Variants in SLC39A12 observed in about 807,000 individuals in gnomAD.
SLC39A12 encodes zinc transporter ZIP12.
SLC39A12 carries 63 observed loss-of-function variants against 71.1 expected under a neutral mutation model. That is an observed-to-expected ratio of 0.89 (90% CI 0.72 to 1.09). SLC39A12 has a LOEUF of 1.09. SLC39A12 is among the 50% of genes least tolerant of loss of function. The pLI is 0.00. For synonymous variants in SLC39A12, 351 were observed against 301.3 expected (o/e 1.16, Z -1.71); for missense variants, 892 against 812.6 (o/e 1.10, Z -1.19).
At chr10:17,981,279 G>A (rs11011850) in intron 5 of SLC39A12, 33 bp from the exon 6 acceptor site, 87,513 of 1,558,532 alleles carry the variant, frequency 0.056, 2,936 homozygotes, top group South Asian at 0.1. Context: ...AATATGCTGA[G>A]ATTAGTAACA....
At chr10:17,970,773 C>A (rs1462300884) in intron 4 of SLC39A12, among the ~76,000 whole-genome samples, 1 of 150,520 alleles carries the variant, frequency 6.6e-6, no homozygotes, top group Non-Finnish European at 1.5e-5. Flanking sequence ...TTCTTCCATT[C>A]CAATTTGGAT....
chr10:17,972,626 A>G (rs916823707), intron 4 of SLC39A12, among the ~76,000 whole-genome samples: 11 of 152,036 alleles, frequency 7.2e-5, no homozygotes, highest in African/African-American at 2.7e-4. Context: ...CTTGAAATCT[A>G]TTGTGTCTGA....
In SLC39A12 at chr10:17,953,472, A is replaced by G; in HGVS notation, c.196A>G (p.Lys66Glu). 6.2e-7 allele frequency: 1 copy of G among 1,614,230 alleles called. No individual in the cohort carries two copies. Among genetic ancestry groups the G allele is most frequent in the Non-Finnish European group, 8.5e-7 (1 of 1,180,042 alleles). ...PPHNHSRSLI[K>E]TLLEKTGCPR... is the part of the protein sequence containing the mutation. ...CCACAACCACTCAAGAAGCCTCATC[A>G]AAACATTGTTGGAGAAAACTGGGTG... The change falls in exon 2 of 13, where the codon AAA becomes GAA. Residue 66 changes from lysine (K) to glutamate (E), a missense_variant. Transcript: ENST00000377369.
chr10:18,037,515 G>T (rs1449292388), intron 12 of SLC39A12, among the ~76,000 whole-genome samples: 1 of 152,124 alleles, frequency 6.6e-6, no homozygotes, highest in Non-Finnish European at 1.5e-5. Context: ...GACTGTGGGT[G>T]AGCTGTTATC....
At chr10:17,993,856 G>A (rs1453187760) in intron 9 of SLC39A12, among the ~76,000 whole-genome samples, 1 of 152,176 alleles carries the variant, frequency 6.6e-6, no homozygotes, top group East Asian at 1.9e-4. Flanking sequence ...AATGCTTTAA[G>A]TAAGAAGTAT....
At chr10:17,997,345 T>C (rs992289458) in intron 10 of SLC39A12, among the ~76,000 whole-genome samples, 3 of 152,206 alleles carry the variant, frequency 2.0e-5, no homozygotes, top group African/African-American at 7.2e-5. Context: ...CATTAACTCA[T>C]GTAATTTATT....
Position 17,987,028 on chromosome 10 carries a change from G to A in SLC39A12, c.1097-451G>A, listed in dbSNP as rs2148597. 5.4e-3 allele frequency among the ~76,000 whole-genome samples: 820 copies of A among 152,068 alleles called. 4 individuals carry two copies. Among genetic ancestry groups the A allele is most frequent in the African/African-American group, 0.018 (765 of 41,484 alleles). On this transcript the variant is annotated intron_variant, in intron 6 of 12. Transcript: ENST00000377369. Reference sequence around the variant, plus strand: ...TCAAAAACAACAAAAACAACAAAACGCTTATTTAAAAATTCCAAGTTGGGG... The same window carrying A: ...TCAAAAACAACAAAAACAACAAAACACTTATTTAAAAATTCCAAGTTGGGG...
intron 12 of SLC39A12, among the ~76,000 whole-genome samples, chr10:18,007,469 GA>G (rs1836061071): frequency 6.6e-6 from 1 of 152,150 alleles, no homozygotes; most frequent in African/African-American, 2.4e-5. Flanking sequence ...TCCTAATCCA[GA>G]CCCCAAGAGA....
chr10:17,968,869 C>T (rs892387176), intron 4 of SLC39A12, among the ~76,000 whole-genome samples: 13 of 152,172 alleles, frequency 8.5e-5, no homozygotes, highest in South Asian at 6.2e-4. Flanking sequence ...GTTATCATGT[C>T]GTGCTATCAA....
At chr10:17,991,030 A>T (rs1341938499) in intron 7 of SLC39A12, 121 bp from the exon 8 acceptor site, 1 of 1,018,970 alleles carries the variant, frequency 9.8e-7, no homozygotes. Context: ...AATAGTTGTC[A>T]CGGCATTTCC....
In SLC39A12 at chr10:18,034,236, A is replaced by G. The variant is rs532469544; in HGVS notation, c.1948-8469A>G. 8.3e-3 allele frequency among the ~76,000 whole-genome samples: 1,242 copies of G among 149,762 alleles called. 14 individuals carry two copies. Among genetic ancestry groups the G allele is most frequent in the African/African-American group, 0.028 (1,144 of 40,994 alleles). On this transcript the variant is annotated intron_variant, in intron 12 of 12. Transcript: ENST00000377369. ...ACTTTCTGTCTCGTTGATCTGTCTA[A>G]TGTTGACAGTGGGGTGTTAAAGTCT...
rs775108994 is a variant in SLC39A12, at chr10:17,987,603, G to A, written c.1221G>A (p.Leu407=). The change falls in exon 7 of 13, where the codon TTG becomes TTA. Residue 407 remains leucine, a synonymous_variant. Coordinates refer to ENST00000377369, the MANE Select transcript of SLC39A12 (RefSeq NM_001145195.2). ...YRLILQLFVG[L]AVGTLSGDAL... ...TTATCTTACAGCTGTTTGTGGGCTT[G>A]GCCGTCGGGACACTGTCTGGGGACG... The A allele has an allele frequency of 3.1e-6, 5 of 1,614,150 alleles. No homozygotes were observed. The highest frequency in any genetic ancestry group is 1.7e-6 in the Non-Finnish European group (2 of 1,180,038).
At chr10:18,013,730 T>G (rs1174910040) in intron 12 of SLC39A12, among the ~76,000 whole-genome samples, 2 of 152,132 alleles carry the variant, frequency 1.3e-5, no homozygotes, top group Admixed American at 6.5e-5. Context: ...GGACTCTCCT[T>G]TGACCATTGA....
At chr10:18,005,033 A>C (rs917637721) in intron 12 of SLC39A12, among the ~76,000 whole-genome samples, 1 of 137,040 alleles carries the variant, frequency 7.3e-6, no homozygotes, top group Non-Finnish European at 1.6e-5. Flanking sequence ...ATAAGAACAC[A>C]TGGACATAGG....
At chr10:17,954,148 C>T (rs1190423748) in intron 2 of SLC39A12, among the ~76,000 whole-genome samples, 1 of 152,184 alleles carries the variant, frequency 6.6e-6, no homozygotes, top group Non-Finnish European at 1.5e-5. Context: ...TTGGAATCAG[C>T]TGCATAGGTT....
intron 12 of SLC39A12, among the ~76,000 whole-genome samples, chr10:18,018,289 T>C (rs1836437855): frequency 6.6e-6 from 1 of 152,206 alleles, no homozygotes; most frequent in Non-Finnish European, 1.5e-5. Context: ...TTATTGAATC[T>C]TTTAGATTTT....
intron 12 of SLC39A12, among the ~76,000 whole-genome samples, chr10:18,026,359 A>G (rs536295181): frequency 1.3e-5 from 2 of 152,134 alleles, no homozygotes; most frequent in African/African-American, 4.8e-5. Flanking sequence ...TTCTCTTAAC[A>G]CTTTAAATAT....
rs543293521 is a variant in SLC39A12 at position 17,989,071 on chromosome 10, C to T, written c.1269+1420C>T. ...GGAGGCTGCCTCCTGTTGACGTGTG[C>T]TGAGGCTCTTTTTCAGAAAGGAAAG... is the stretch of plus-strand genomic sequence containing the variant. On this transcript the variant is annotated intron_variant, in intron 7 of 12. Transcript: ENST00000377369. 5.9e-5 allele frequency among the ~76,000 whole-genome samples: 9 copies of T among 152,310 alleles called. 1 individual carries two copies. The East Asian group carries it at 1.3e-3, about 23-fold the overall frequency.
intron 4 of SLC39A12, among the ~76,000 whole-genome samples, chr10:17,970,247 C>T (rs1050827790): frequency 1.3e-5 from 2 of 152,034 alleles, no homozygotes; most frequent in African/African-American, 2.4e-5. Context: ...TTCTTTTGCT[C>T]AGGATAGTTT....
Sources: gnomAD v4.1 joint callset for allele counts (sites outside exome capture counted in the v4.1 genomes callset) on GRCh38, gnomAD v4.1.1 for gene constraint, MANE v1.5 for transcripts, NCBI Gene and HGNC (gene_info 2026-07-23, HGNC 2026-07-21) for gene names.